The following CCDC8 variants were observed in gnomAD, a reference collection of about 807,000 sequenced individuals.
CCDC8 encodes the protein coiled-coil domain containing 8 subunit of 3M complex, also known as coiled-coil domain-containing protein 8.
Under a neutral mutation model 5.2 loss-of-function variants are expected in CCDC8, and 6 were observed. The observed-to-expected ratio is 1.16, with a 90% confidence interval of 0.63 to 2.28. The LOEUF (loss-of-function observed/expected upper bound fraction) is 2.28, where lower values mean the gene tolerates loss of function less well. Ranked by LOEUF, CCDC8 falls within the 30% of genes most tolerant of loss-of-function variation. The pLI is 0.00. For synonymous variants in CCDC8, 310 were observed against 286.5 expected (o/e 1.08, Z -0.83); for missense variants, 724 against 712.2 (o/e 1.02, Z -0.19).
Position 46,411,929 on chromosome 19 carries a change from A to G in CCDC8, c.882T>C (p.Asp294=), listed in dbSNP as rs1278617341. The change falls in exon 1 of 1, where the codon GAT becomes GAC. Residue 294 remains aspartate, a synonymous_variant. Coordinates refer to ENST00000307522, the MANE Select transcript of CCDC8 (RefSeq NM_032040.5). Reference sequence around the variant, plus strand: ...GACTATCTGCAGCCTCTCCCCCCTGATCAGCCTCGATGTCTGCCCCCTGAC... The same window carrying G: ...GACTATCTGCAGCCTCTCCCCCCTGGTCAGCCTCGATGTCTGCCCCCTGAC... ...PTGQGADIEA[D]QGGEAADSQR... 6.2e-7 allele frequency: 1 copy of G among 1,611,420 alleles called. No individual in the cohort carries two copies.
chr19:46,411,705 G>T lies in CCDC8; in HGVS notation c.1106C>A (p.Ala369Glu), dbSNP rs574053078. Residue 369 changes from alanine to glutamate, a missense_variant, in exon 1 of 1, where the codon GCA becomes GAA. Transcript: ENST00000307522. The stretch of plus-strand genomic sequence containing the variant: ...TGACCTCTGGTCAGCTGGGGCCTCT[G>T]CCCTCTGATTATCTGCAGCCTCTTC... Reference protein sequence around the residue: ...QREEAADNQRAEAPADQRSQG... With the variant: ...QREEAADNQREEAPADQRSQG... The T allele has an allele frequency of 4.3e-6, 7 of 1,612,648 alleles. No homozygotes were observed. The South Asian group carries it at 7.7e-5, about 18-fold the overall frequency.
Position 46,411,547 on chromosome 19 carries a change from C to T in CCDC8, c.1264G>A (p.Val422Ile), listed in dbSNP as rs751473679. 6.2e-7 allele frequency: 1 copy of T among 1,613,534 alleles called. No individual in the cohort carries two copies. The highest frequency in any genetic ancestry group is 8.5e-7 in the Non-Finnish European group (1 of 1,179,900). ...GCCCTCTGATTATCTGCACCCTGGA[C>T]AGCTGGGGCCCTTTCCCTCTGGTCA... The part of the protein sequence containing the change: ...VHDQRERAPA[V>I]QGADNQRAQA... The change falls in exon 1 of 1, where the codon GTC becomes ATC. Residue 422 changes from valine to isoleucine, a missense_variant. By Grantham distance (29) the Val-to-Ile change is conservative (BLOSUM62 3). Transcript: ENST00000307522.
chr19:46,412,160 C>T lies in CCDC8; in HGVS notation c.651G>A (p.Ala217=), dbSNP rs1488223286. 7 of 1,597,916 alleles carry T rather than the reference C, an allele frequency of 4.4e-6. No individual in the cohort carries two copies. The highest frequency in any genetic ancestry group is 1.7e-5 in the Admixed American group (1 of 59,894). ...KRRVKGWAPR[A]GPGVGEARLA... The stretch of plus-strand genomic sequence containing the variant: ...GCCGGGCCTCGCCCACCCCGGGGCC[C>T]GCCCTCGGCGCCCAACCCTTCACCC... The change falls in exon 1 of 1, where the codon GCG becomes GCA. Residue 217 remains alanine, a synonymous_variant. Coordinates refer to ENST00000307522, the MANE Select transcript of CCDC8 (RefSeq NM_032040.5). The surrounding 1 kb of genome is among the most constrained non-coding windows in gnomAD (Gnocchi z 4.7).
rs1011714167 is a variant in CCDC8 at position 46,412,679 on chromosome 19, G to C, written c.132C>G (p.Phe44Leu). The change falls in exon 1 of 1, where the codon TTC (phenylalanine) becomes TTG (leucine). Residue 44 changes from phenylalanine to leucine, a missense_variant. By Grantham distance (22) the Phe-to-Leu change is conservative (BLOSUM62 0). Transcript: ENST00000307522. This position sits in a 1 kb window ranked among gnomAD's most constrained non-coding sequence, Gnocchi z 4.7. ...CCAGGGTGCGGCCCTCTTCTTCCAGGAACTGGGTCAGCCGCTCCCGAAATT... is the reference window on the plus strand; with the variant it reads ...CCAGGGTGCGGCCCTCTTCTTCCAGCAACTGGGTCAGCCGCTCCCGAAATT... ...EAEFRERLTQ[F>L]LEEEGRTLED... 2 of 1,611,222 alleles carry C rather than the reference G, an allele frequency of 1.2e-6. No individual in the cohort carries two copies. The highest frequency in any genetic ancestry group is 1.7e-6 in the Non-Finnish European group (2 of 1,179,772).
chr19:46,412,847 G>T lies in CCDC8; in HGVS notation c.-37C>A, dbSNP rs770481479. The T allele has an allele frequency of 9.9e-6, 16 of 1,612,740 alleles. No homozygotes were observed. The East Asian group carries it at 3.6e-4, about 36-fold the overall frequency. On this transcript the variant is annotated 5_prime_UTR_variant, in exon 1 of 1. Coordinates refer to ENST00000307522, the MANE Select transcript of CCDC8 (RefSeq NM_032040.5). This position sits in a 1 kb window ranked among gnomAD's most constrained non-coding sequence, Gnocchi z 4.7. ...AGTCCTCCTCCTTGCGGAACACCTT[G>T]CCGATCTTCTTAAATGTCCCCACGG...
chr19:46,412,726 T>A lies in CCDC8; in HGVS notation c.85A>T (p.Lys29Ter), dbSNP rs756260206. The A allele has an allele frequency of 1.4e-5, 23 of 1,613,598 alleles. No individual in the cohort carries two copies. The highest frequency in any genetic ancestry group is 1.9e-5 in the Non-Finnish European group (22 of 1,180,010). Residue 29 changes from lysine (K) to a stop codon, truncating the protein, a stop_gained, in exon 1 of 1, where the codon AAG becomes TAG. Coordinates refer to ENST00000307522, the MANE Select transcript of CCDC8 (RefSeq NM_032040.5). LOFTEE classifies it low-confidence loss of function (END_TRUNC). The surrounding 1 kb of genome is among the most constrained non-coding windows in gnomAD (Gnocchi z 4.7). ...AATTCTGCTTCCTTGGTGGCGGGCTTAGAGATGACTCTCCAGACGCCCCCA... is the reference window on the plus strand; with the variant it reads ...AATTCTGCTTCCTTGGTGGCGGGCTAAGAGATGACTCTCCAGACGCCCCCA... ...LAGGVWRVIS[K>*]PATKEAEFRE... is the part of the protein sequence containing the mutation.
In CCDC8 at chr19:46,412,556, C is replaced by T. The variant is rs1469715894; in HGVS notation, c.255G>A (p.Met85Ile). The change falls in exon 1 of 1, where the codon ATG becomes ATA. Residue 85 changes from methionine to isoleucine, a missense_variant. Transcript: ENST00000307522. This position sits in a 1 kb window ranked among gnomAD's most constrained non-coding sequence, Gnocchi z 4.7. ...EPRVRRRVQQ[M>I]VTPPPRLVVG... ...CGACCAGCCGGGGCGGAGGAGTCAC[C>T]ATCTGCTGCACTCTCCTCCTCACTC... 6 of 1,607,790 alleles carry T rather than the reference C, an allele frequency of 3.7e-6. No individual in the cohort carries two copies. Among genetic ancestry groups the T allele is most frequent in the South Asian group, 1.1e-5 (1 of 90,996 alleles).
Position 46,412,987 on chromosome 19 carries a change from C to A in CCDC8, c.-177G>T. On this transcript the variant is annotated 5_prime_UTR_variant, in exon 1 of 1. Transcript: ENST00000307522. The surrounding 1 kb of genome is among the most constrained non-coding windows in gnomAD (Gnocchi z 4.7). ...AAGCCCCAGGGGAACCAGCCCCCCACGTGGCTTTTCTCGAGAGTCTTTAAG... is the reference window on the plus strand; with the variant it reads ...AAGCCCCAGGGGAACCAGCCCCCCAAGTGGCTTTTCTCGAGAGTCTTTAAG... The A allele has an allele frequency of 5.0e-6, 4 of 807,052 alleles. No homozygotes were observed. Among genetic ancestry groups the A allele is most frequent in the Non-Finnish European group, 8.1e-6 (4 of 492,714 alleles). The allele number at this position is 807,052 out of a possible 1,614,324, so 50.0% of individuals were successfully genotyped here.
Position 46,412,182 on chromosome 19 carries a change from A to G in CCDC8, c.629T>C (p.Val210Ala), listed in dbSNP as rs1601463580. Reference protein sequence around the residue: ...QVSWGKLKRRVKGWAPRAGPG... With the variant: ...QVSWGKLKRRAKGWAPRAGPG... ...GCCCGCCCTCGGCGCCCAACCCTTC[A>G]CCCTCCGCTTCAGCTTCCCCCAGGA... The change falls in exon 1 of 1, where the codon GTG becomes GCG. Residue 210 changes from valine to alanine, a missense_variant. Coordinates refer to ENST00000307522, the MANE Select transcript of CCDC8 (RefSeq NM_032040.5). The surrounding 1 kb of genome is among the most constrained non-coding windows in gnomAD (Gnocchi z 4.7). 6.3e-7 allele frequency: 1 copy of G among 1,596,348 alleles called. No homozygotes were observed. Among genetic ancestry groups the G allele is most frequent in the African/African-American group, 1.3e-5 (1 of 74,264 alleles).
rs1973220980 is a variant in CCDC8, at chr19:46,411,077, AG to A, written c.*116del. On this transcript the variant is annotated 3_prime_UTR_variant, in exon 1 of 1. Coordinates refer to ENST00000307522, the MANE Select transcript of CCDC8 (RefSeq NM_032040.5). Reference sequence around the variant, plus strand: ...ACAAAACTTTAACAAGAGAATAAAGAGGGTTGTTAGGTGGAGACGTGGCCAG... The same window carrying A: ...ACAAAACTTTAACAAGAGAATAAAGAGGTTGTTAGGTGGAGACGTGGCCAG... 1.7e-6 allele frequency: 2 copies of A among 1,204,904 alleles called. No homozygotes were observed. Among genetic ancestry groups the A allele is most frequent in the African/African-American group, 3.0e-5 (2 of 65,614 alleles). 74.6% of individuals were successfully genotyped at this position (1,204,904 alleles called of 1,614,324 possible).
rs776083985 is a variant in CCDC8, at chr19:46,411,924, C to G, written c.887G>C (p.Gly296Ala). Reference protein sequence around the residue: ...GQGADIEADQGGEAADSQREE... With the variant: ...GQGADIEADQAGEAADSQREE... ...CCTTTGACTATCTGCAGCCTCTCCC[C>G]CCTGATCAGCCTCGATGTCTGCCCC... Residue 296 changes from glycine (G) to alanine (A), a missense_variant, in exon 1 of 1, where the codon GGG (glycine) becomes GCG (alanine). Coordinates refer to ENST00000307522, the MANE Select transcript of CCDC8 (RefSeq NM_032040.5). 3.1e-5 allele frequency: 50 copies of G among 1,612,080 alleles called. No individual in the cohort carries two copies. Among genetic ancestry groups the G allele is most frequent in the Non-Finnish European group, 4.2e-5 (50 of 1,179,258 alleles).
In CCDC8 at chr19:46,412,770, GGGATGAGCAAAT is replaced by G; in HGVS notation, c.29_40del (p.Tyr10_Pro14delinsSer). ...GCCCCCAGCCAGCCTGACCTCCCGG[GGGATGAGCAAAT>G]AGTCGACGTCCTCCCCGATCTGCAG... On this transcript the variant is annotated inframe_deletion, in exon 1 of 1. Transcript: ENST00000307522. This position sits in a 1 kb window ranked among gnomAD's most constrained non-coding sequence, Gnocchi z 4.7. The G allele has an allele frequency of 6.2e-7, 1 of 1,614,046 alleles. No individual in the cohort carries two copies. Among genetic ancestry groups the G allele is most frequent in the Non-Finnish European group, 8.5e-7 (1 of 1,180,026 alleles).
chr19:46,411,308 C>T lies in CCDC8; in HGVS notation c.1503G>A (p.Arg501=), dbSNP rs752076001. 2.5e-6 allele frequency: 4 copies of T among 1,614,196 alleles called. No homozygotes were observed. The highest frequency in any genetic ancestry group is 1.1e-5 in the South Asian group (1 of 91,082). The change falls in exon 1 of 1, where the codon CGG becomes CGA. Residue 501 remains arginine, a synonymous_variant. Coordinates refer to ENST00000307522, the MANE Select transcript of CCDC8 (RefSeq NM_032040.5). ...KRRRAFWHTP[R]LPTLPKRVPR... ...GGACTCTCTTGGGCAGGGTTGGCAA[C>T]CGGGGAGTGTGCCAGAAGGCTCTCC...
chr19:46,412,227 C>G lies in CCDC8; in HGVS notation c.584G>C (p.Arg195Pro). Residue 195 changes from arginine to proline, a missense_variant, in exon 1 of 1, where the codon CGG becomes CCG. Transcript: ENST00000307522. This position sits in a 1 kb window ranked among gnomAD's most constrained non-coding sequence, Gnocchi z 4.7. ...GPQLSKADRW[R>P]EYVSQVSWGK... is the part of the protein sequence containing the mutation. ...CCAGGACACCTGGCTGACATACTCC[C>G]GCCACCTGTCCGCTTTGGACAGCTG... 1 of 1,600,290 alleles carries G rather than the reference C, an allele frequency of 6.2e-7. No individual in the cohort carries two copies. Among genetic ancestry groups the G allele is most frequent in the South Asian group, 1.1e-5 (1 of 91,082 alleles).
Position 46,411,297 on chromosome 19 carries a change from A to G in CCDC8, c.1514T>C (p.Leu505Pro), listed in dbSNP as rs1202491986. ...TCCTGCCCTGGGGACTCTCTTGGGC[A>G]GGGTTGGCAACCGGGGAGTGTGCCA... ...AFWHTPRLPTLPKRVPRAGEA... is the reference protein window; with the variant it reads ...AFWHTPRLPTPPKRVPRAGEA... Residue 505 changes from leucine (L) to proline (P), a missense_variant, in exon 1 of 1, where the codon CTG becomes CCG. Physicochemically the swap from Leu to Pro is moderately conservative, Grantham distance 98. Transcript: ENST00000307522. 2 of 1,614,124 alleles carry G rather than the reference A, an allele frequency of 1.2e-6. No homozygotes were observed. The highest frequency in any genetic ancestry group is 8.5e-7 in the Non-Finnish European group (1 of 1,180,012).
Position 46,411,980 on chromosome 19 carries a change from G to T in CCDC8, c.831C>A (p.Arg277=), listed in dbSNP as rs770647315. The change falls in exon 1 of 1, where the codon CGC becomes CGA. Residue 277 remains arginine (R), a synonymous_variant. Transcript: ENST00000307522. ...CTGTGGGTGCTGTCTGCTCCTTCCT[G>T]CGGCGCCGAAAGGAGGCCCAGTTGA... ...PKINWASFRR[R]RKEQTAPTGQ... is the part of the protein sequence containing the mutation. 1 of 1,608,292 alleles carries T rather than the reference G, an allele frequency of 6.2e-7. No homozygotes were observed. Among genetic ancestry groups the T allele is most frequent in the South Asian group, 1.1e-5 (1 of 91,062 alleles).
Position 46,412,390 on chromosome 19 carries a change from C to T in CCDC8, c.421G>A (p.Gly141Arg). The change falls in exon 1 of 1, where the codon GGA (glycine) becomes AGA (arginine). Residue 141 changes from glycine to arginine, a missense_variant. Physicochemically the swap from Gly to Arg is moderately radical, Grantham distance 125. Coordinates refer to ENST00000307522, the MANE Select transcript of CCDC8 (RefSeq NM_032040.5). The surrounding 1 kb of genome is among the most constrained non-coding windows in gnomAD (Gnocchi z 4.7). ...TCATCCTCACTCTCCAGGTCGCTTC[C>T]CAGGAACTTGCTGCCCAGGTAGCTG... The part of the protein sequence containing the change: ...PVSYLGSKFL[G>R]SDLESEDDEE... The T allele has an allele frequency of 2.5e-6, 4 of 1,613,788 alleles. No homozygotes were observed. Among genetic ancestry groups the T allele is most frequent in the Admixed American group, 1.7e-5 (1 of 60,020 alleles).
Position 46,411,282 on chromosome 19 carries a change from G to A in CCDC8, c.1529C>T (p.Pro510Leu), listed in dbSNP as rs893000877. ...GAGGTTCCTGGCCTCTCCTGCCCTG[G>A]GGACTCTCTTGGGCAGGGTTGGCAA... ...PRLPTLPKRV[P>L]RAGEARNLRV... The change falls in exon 1 of 1, where the codon CCC (proline) becomes CTC (leucine). Residue 510 changes from proline (P) to leucine (L), a missense_variant. Transcript: ENST00000307522. 2 of 1,613,998 alleles carry A rather than the reference G, an allele frequency of 1.2e-6. No individual in the cohort carries two copies. The highest frequency in any genetic ancestry group is 1.3e-5 in the African/African-American group (1 of 74,898).
rs374813764 is a variant in CCDC8 at position 46,411,301 on chromosome 19, T to C, written c.1510A>G (p.Thr504Ala). 1.2e-5 allele frequency: 19 copies of C among 1,614,168 alleles called. No individual in the cohort carries two copies. The highest frequency in any genetic ancestry group is 1.7e-5 in the Admixed American group (1 of 60,016). ...RAFWHTPRLP[T>A]LPKRVPRAGE... ...GCCCTGGGGACTCTCTTGGGCAGGG[T>C]TGGCAACCGGGGAGTGTGCCAGAAG... The change falls in exon 1 of 1, where the codon ACC (threonine) becomes GCC (alanine). Residue 504 changes from threonine (T) to alanine (A), a missense_variant. By Grantham distance (58) the Thr-to-Ala change is moderately conservative (BLOSUM62 0). Transcript: ENST00000307522.
Sources: allele counts gnomAD v4.1 joint callset, GRCh38; gene constraint gnomAD v4.1.1; non-coding constraint Gnocchi (gnomAD v3.1); transcripts MANE v1.5; gene names NCBI Gene and HGNC (gene_info 2026-07-23, HGNC 2026-07-21).